DGAT2L6: variants seen among roughly 807,000 people sequenced by gnomAD.
DGAT2L6 encodes the protein diacylglycerol O-acyltransferase 2-like protein 6.
Under a neutral mutation model 25.5 loss-of-function variants are expected in DGAT2L6, and 22 were observed. That is an observed-to-expected ratio of 0.86 (90% confidence interval 0.62 to 1.23). The LOEUF is 1.23. Among genes scored for constraint, DGAT2L6 ranks in the 50% most tolerant of loss-of-function variants. The pLI is 0.00. For missense variants in DGAT2L6, 287 were observed against 253.2 expected, an observed-to-expected ratio of 1.13 and a Z score of -0.91; for synonymous variants, 100 against 94.7, an observed-to-expected ratio of 1.06 and a Z score of -0.32.
At chrX:70,191,869 T>C (rs1344980164) in intron 1 of DGAT2L6, among the ~76,000 whole-genome samples, 1 of 111,738 alleles carries the variant, frequency 8.9e-6, no homozygotes, top group Non-Finnish European at 1.9e-5. Flanking sequence ...GGATGATACA[T>C]TCAAAGTGCT....
intron 1 of DGAT2L6, among the ~76,000 whole-genome samples, chrX:70,178,071 G>A (rs1229320559): frequency 9.1e-6 from 1 of 109,584 alleles, no homozygotes; most frequent in Non-Finnish European, 1.9e-5. Flanking sequence ...GGGAGGTGGA[G>A]CTTGCAGTGA....
At chrX:70,181,811 C>G (rs1394887867) in intron 1 of DGAT2L6, among the ~76,000 whole-genome samples, 1 of 111,527 alleles carries the variant, frequency 9.0e-6, no homozygotes, top group Admixed American at 9.5e-5. Flanking sequence ...TCAGGGGAGA[C>G]AGGAAAGGGA....
intron 1 of DGAT2L6, among the ~76,000 whole-genome samples, chrX:70,192,177 C>T (rs2085377429): frequency 8.9e-6 from 1 of 111,787 alleles, no homozygotes; most frequent in African/African-American, 3.3e-5. Context: ...CGCTTGAGCC[C>T]AGGAGTTCAA....
At position 70,205,249 on chromosome X, in the gene DGAT2L6, A is replaced by G; in HGVS notation, c.*143A>G. On this transcript the variant is annotated 3_prime_UTR_variant, in exon 7 of 7. Coordinates refer to ENST00000333026, the MANE Select transcript of DGAT2L6 (RefSeq NM_198512.3). ...CAAGCCAGAAATTATTTAATAAATCAGAGTTCTAGCAATAGAGTCCTCTCC... is the reference window on the plus strand; with the variant it reads ...CAAGCCAGAAATTATTTAATAAATCGGAGTTCTAGCAATAGAGTCCTCTCC... 1.3e-6 allele frequency: 1 copy of G among 750,629 alleles called. No homozygotes were observed. The highest frequency in any genetic ancestry group is 1.8e-6 in the Non-Finnish European group (1 of 562,329). 61.9% of individuals were successfully genotyped at this position (750,629 alleles called of 1,213,427 possible). A position where few individuals can be genotyped will look rare whatever the true frequency, so the allele number is the denominator to read the frequency against.
At chrX:70,193,092 G>T (rs777343266) in intron 1 of DGAT2L6, among the ~76,000 whole-genome samples, 1 of 110,863 alleles carries the variant, frequency 9.0e-6, no homozygotes, top group East Asian at 2.9e-4. Flanking sequence ...CTTCCTAGGT[G>T]GTCAGTAGTT....
chrX:70,188,560 A>G (rs2085366142), intron 1 of DGAT2L6, among the ~76,000 whole-genome samples: 3 of 111,497 alleles, frequency 2.7e-5, no homozygotes, highest in Admixed American at 9.5e-5. Flanking sequence ...CAGAAAAAAT[A>G]TCACGAATTC....
At chrX:70,188,618 T>A (rs776049692) in intron 1 of DGAT2L6, among the ~76,000 whole-genome samples, 14 of 110,635 alleles carry the variant, frequency 1.3e-4, no homozygotes, top group Non-Finnish European at 2.3e-4. Context: ...ATTTCCCAAC[T>A]CATTTACGAG....
chrX:70,204,239 A>C, intron 5 of DGAT2L6, 66 bp from the exon 6 acceptor site: 1 of 1,010,816 alleles, frequency 9.9e-7, no homozygotes, highest in Non-Finnish European at 1.4e-6. Flanking sequence ...GAGGTTTCCC[A>C]CCTTGGAGAG....
At chrX:70,189,837 T>A (rs1049307293) in intron 1 of DGAT2L6, among the ~76,000 whole-genome samples, 27 of 111,897 alleles carry the variant, frequency 2.4e-4, no homozygotes, top group African/African-American at 8.1e-4. Flanking sequence ...TAGATGTAGA[T>A]GAAGATTAAA....
In DGAT2L6 at chrX:70,200,293, C is replaced by A; in HGVS notation, c.306C>A (p.Tyr102Ter). 1 of 1,211,623 alleles carries A rather than the reference C, an allele frequency of 8.3e-7. No homozygotes were observed. Residue 102 changes from tyrosine (Y) to a stop codon, truncating the protein, a stop_gained, in exon 4 of 7, where the codon TAC (tyrosine) becomes TAA (stop). Transcript: ENST00000333026. LOFTEE classifies it high-confidence loss of function. ...ATGATCTTTCTCCCAAACACAACTACATCATTGCCAATCACCCCCATGGCA... is the reference window on the plus strand; with the variant it reads ...ATGATCTTTCTCCCAAACACAACTAAATCATTGCCAATCACCCCCATGGCA... ...KTHDLSPKHNYIIANHPHGIL... is the reference protein window; with the variant it reads ...KTHDLSPKHN
At chrX:70,202,462 T>C (rs1369144871) in intron 5 of DGAT2L6, among the ~76,000 whole-genome samples, 3 of 111,643 alleles carry the variant, frequency 2.7e-5, no homozygotes, top group Non-Finnish European at 5.6e-5. Flanking sequence ...GAGCATACAA[T>C]CTGGTTTGAG....
intron 1 of DGAT2L6, among the ~76,000 whole-genome samples, chrX:70,178,530 G>A (rs146868934): frequency 9.0e-6 from 1 of 110,899 alleles, no homozygotes; most frequent in East Asian, 2.8e-4. Context: ...GATTTTCCCT[G>A]CCAGAAACCA....
chrX:70,191,590 G>C (rs1316216951), intron 1 of DGAT2L6, among the ~76,000 whole-genome samples: 4 of 111,731 alleles, frequency 3.6e-5, no homozygotes, highest in African/African-American at 1.3e-4. Flanking sequence ...AAAAGAGAGA[G>C]AAAGAAACAG....
chrX:70,180,862 G>A (rs1285943715), intron 1 of DGAT2L6, among the ~76,000 whole-genome samples: 1 of 112,196 alleles, frequency 8.9e-6, no homozygotes, highest in Non-Finnish European at 1.9e-5. Flanking sequence ...TCACCATGTG[G>A]TATCATGGGT....
chrX:70,188,490 C>T (rs1199295855), intron 1 of DGAT2L6, among the ~76,000 whole-genome samples: 1 of 111,116 alleles, frequency 9.0e-6, no homozygotes, highest in African/African-American at 3.3e-5. Flanking sequence ...GGTTAGAAAC[C>T]TTCCAAAAAG....
At position 70,199,375 on chromosome X, in the gene DGAT2L6, AG is replaced by A; in HGVS notation, c.191del (p.Ser64IlefsTer25). On this transcript the variant is annotated frameshift_variant, in exon 2 of 7. Transcript: ENST00000333026. LOFTEE classifies it high-confidence loss of function. ...GCTCACCTATGATTGGAACACCCAC[AG>A]TCAAGGTAAGAGACAGGGGCACAAT... ...AWLTYDWNTH[S>X]QGGRRSAWVR... is the part of the protein sequence containing the mutation. The A allele has an allele frequency of 2.6e-6, 3 of 1,163,731 alleles. No homozygotes were observed. Among genetic ancestry groups the A allele is most frequent in the Non-Finnish European group, 3.5e-6 (3 of 864,276 alleles).
intron 1 of DGAT2L6, among the ~76,000 whole-genome samples, chrX:70,181,520 A>T (rs1569427473): frequency 8.9e-6 from 1 of 112,432 alleles, no homozygotes; most frequent in Non-Finnish European, 1.9e-5. Context: ...ATGCCCACAG[A>T]GGTGCCTAAG....
At position 70,204,974 on chromosome X, in the gene DGAT2L6, C is replaced by T. The variant is rs181845775; in HGVS notation, c.882C>T (p.Pro294=). The T allele has an allele frequency of 4.2e-6, 5 of 1,184,888 alleles. No homozygotes were observed. The East Asian group carries it at 1.5e-4, about 36-fold the overall frequency. The change falls in exon 7 of 7, where the codon CCC becomes CCT. Residue 294 remains proline, a synonymous_variant. Transcript: ENST00000333026. ...TTVVGEPLPI[P]RIKRPNQKTV... ...TAGTTGGGGAACCCCTTCCAATTCC[C>T]AGGATTAAGAGGCCAAACCAGAAGA...
chrX:70,182,692 C>A (rs1487454813), intron 1 of DGAT2L6, among the ~76,000 whole-genome samples: 2 of 106,160 alleles, frequency 1.9e-5, no homozygotes, highest in Non-Finnish European at 3.9e-5. Flanking sequence ...CTCGCTCTGT[C>A]GCCCAGGCTG....
Sources: allele counts gnomAD v4.1 joint callset (sites outside exome capture counted in the v4.1 genomes callset), GRCh38; gene constraint gnomAD v4.1.1; transcripts MANE v1.5; gene names NCBI Gene and HGNC (gene_info 2026-07-23, HGNC 2026-07-21).